The following OR4N2 variants were observed in gnomAD, a reference collection of about 807,000 sequenced individuals.
OR4N2 encodes olfactory receptor family 4 subfamily N member 2, also known as olfactory receptor 4N2.
For missense variants in OR4N2, 307 were observed against 377.6 expected, an observed-to-expected ratio of 0.81 and a Z score of 1.55; for synonymous variants, 141 against 140.4, an observed-to-expected ratio of 1.00 and a Z score of -0.03.
chr14:19,823,502 C>T (rs1283771837), intron 1 of OR4N2, among the ~76,000 whole-genome samples: 3 of 152,212 alleles, frequency 2.0e-5, no homozygotes, highest in Non-Finnish European at 2.9e-5. Context: ...ACACACATTT[C>T]TCACTCTTGT....
In OR4N2 at chr14:19,827,505, G is replaced by A. The variant is rs551672122; in HGVS notation, c.57G>A (p.Gln19=). 6.2e-7 allele frequency: 1 copy of A among 1,613,202 alleles called. No homozygotes were observed. Among genetic ancestry groups the A allele is most frequent in the Admixed American group, 1.7e-5 (1 of 59,988 alleles). ...AATTCATCCTCCTTGGTCTGACCCA[G>A]TCTCAAGATATTCAGCTCCTGGTCT... is the stretch of plus-strand genomic sequence containing the variant. ...IREFILLGLT[Q]SQDIQLLVFV... is the part of the protein sequence containing the mutation. The change falls in exon 2 of 2, where the codon CAG becomes CAA. Residue 19 remains glutamine (Q), a synonymous_variant. Coordinates refer to ENST00000557677, the MANE Select transcript of OR4N2 (RefSeq NM_001004723.3).
intron 1 of OR4N2, 93 bp from the exon 2 acceptor site, chr14:19,827,347 A>C (rs1375321742): frequency 2.7e-5 from 30 of 1,117,606 alleles, no homozygotes; most frequent in Non-Finnish European, 3.6e-5. Context: ...TAGCTGAAGT[A>C]CTGCATGTGC....
At chr14:19,817,220 A>G (rs1879448772) in intron 1 of OR4N2, among the ~76,000 whole-genome samples, 1 of 152,172 alleles carries the variant, frequency 6.6e-6, no homozygotes, top group East Asian at 1.9e-4. Flanking sequence ...TGAGTTAGGG[A>G]GGAGTCCCTC....
At chr14:19,824,403 A>G (rs1248384506) in intron 1 of OR4N2, among the ~76,000 whole-genome samples, 1 of 152,264 alleles carries the variant, frequency 6.6e-6, no homozygotes. Context: ...GGACACAGGC[A>G]GAATGGAAGA....
At position 19,827,819 on chromosome 14, in the gene OR4N2, T is replaced by A. The variant is rs1390809020; in HGVS notation, c.371T>A (p.Ile124Asn). Residue 124 changes from isoleucine (I) to asparagine (N), a missense_variant, in exon 2 of 2, where the codon ATC (isoleucine) becomes AAC (asparagine). Transcript: ENST00000557677. ...LLVVMAFDRY[I>N]AICRPLHYPT... ...GTTGTGATGGCCTTTGACCGCTACA[T>A]CGCCATCTGCCGGCCTCTGCACTAT... is the stretch of plus-strand genomic sequence containing the variant. 6.2e-7 allele frequency: 1 copy of A among 1,614,136 alleles called. No individual in the cohort carries two copies. Among genetic ancestry groups the A allele is most frequent in the African/African-American group, 1.3e-5 (1 of 74,942 alleles).
At chr14:19,816,925 C>T (rs1362647067) in intron 1 of OR4N2, among the ~76,000 whole-genome samples, 1 of 152,176 alleles carries the variant, frequency 6.6e-6, no homozygotes. Context: ...TTATCGAAGG[C>T]CTTTTCTGCA....
chr14:19,817,888 T>C (rs765759537), intron 1 of OR4N2, among the ~76,000 whole-genome samples: 2 of 152,270 alleles, frequency 1.3e-5, no homozygotes, highest in Non-Finnish European at 2.9e-5. Context: ...GTACATTGTG[T>C]CTTTGTTCTC....
intron 1 of OR4N2, 37 bp from the exon 2 acceptor site, chr14:19,827,403 G>T: frequency 6.6e-7 from 1 of 1,506,882 alleles, no homozygotes; most frequent in Non-Finnish European, 8.9e-7. Flanking sequence ...GGAAGACATA[G>T]TAATAACAAT....
chr14:19,808,461 A>G (rs965585420), intron 1 of OR4N2, among the ~76,000 whole-genome samples: 3 of 152,206 alleles, frequency 2.0e-5, no homozygotes, highest in African/African-American at 7.2e-5. Flanking sequence ...GAGTGAAATC[A>G]AGGACACAAT....
rs1879805064 is a variant in OR4N2, at chr14:19,829,207, G to A, written c.*835G>A. 6.6e-6 allele frequency: 1 copy of A among 152,200 alleles called. No homozygotes were observed. The highest frequency in any genetic ancestry group is 6.5e-5 in the Admixed American group (1 of 15,286). The allele number at this position is 152,200 out of a possible 1,614,324, so 9.4% of individuals were successfully genotyped here. On this transcript the variant is annotated 3_prime_UTR_variant, in exon 2 of 2. Transcript: ENST00000557677. ...AAAGCTGGTTACTTTTACTGAAAAA[G>A]ATCACAAAAACATTTTACTTTTTTT... is the stretch of plus-strand genomic sequence containing the variant.
chr14:19,810,710 A>G (rs941460884), intron 1 of OR4N2, among the ~76,000 whole-genome samples: 1 of 152,262 alleles, frequency 6.6e-6, no homozygotes, highest in African/African-American at 2.4e-5. Flanking sequence ...AATGAAATAT[A>G]AAGTAGACAA....
chr14:19,822,646 G>T (rs1879595874), intron 1 of OR4N2, among the ~76,000 whole-genome samples: 2 of 152,206 alleles, frequency 1.3e-5, no homozygotes, highest in African/African-American at 2.4e-5. Context: ...TATCCCAGGG[G>T]TTACTCAAAG....
At chr14:19,826,860 G>A (rs1244963529) in intron 1 of OR4N2, among the ~76,000 whole-genome samples, 1 of 152,232 alleles carries the variant, frequency 6.6e-6, no homozygotes, top group Non-Finnish European at 1.5e-5. Context: ...AACAGTCTGG[G>A]AAAAGAGTAT....
intron 1 of OR4N2, among the ~76,000 whole-genome samples, chr14:19,815,282 C>T (rs1446623490): frequency 6.6e-6 from 1 of 152,266 alleles, no homozygotes; most frequent in African/African-American, 2.4e-5. Context: ...ATTTACCCTT[C>T]CACCAACAGT....
At position 19,828,723 on chromosome 14, in the gene OR4N2, A is replaced by T. The variant is rs1879792899; in HGVS notation, c.*351A>T. 1 of 229,626 alleles carries T rather than the reference A, an allele frequency of 4.4e-6. No homozygotes were observed. Among genetic ancestry groups the T allele is most frequent in the African/African-American group, 2.3e-5 (1 of 42,802 alleles). The allele number at this position is 229,626 out of a possible 1,614,324, so 14.2% of individuals were successfully genotyped here. A position where few individuals can be genotyped will look rare whatever the true frequency, so the allele number is the denominator to read the frequency against. On this transcript the variant is annotated 3_prime_UTR_variant, in exon 2 of 2. Coordinates refer to ENST00000557677, the MANE Select transcript of OR4N2 (RefSeq NM_001004723.3). ...AGACCTTGAAGAGCTGACGTTTTGG[A>T]TGATATCTGGATAAACTGAAGAAGG...
intron 1 of OR4N2, among the ~76,000 whole-genome samples, chr14:19,808,849 C>T (rs1879229369): frequency 6.7e-6 from 1 of 149,658 alleles, no homozygotes; most frequent in African/African-American, 2.4e-5. Context: ...AAAAATGAAA[C>T]TAGAGGCATC....
rs1385635280 is a variant in OR4N2 at position 19,813,343 on chromosome 14, G to T, written c.-10+9499G>T. Among the ~76,000 whole-genome samples, 4 of 152,370 alleles carry T rather than the reference G, an allele frequency of 2.6e-5. No homozygotes were observed. The South Asian group carries it at 6.2e-4, about 24-fold the overall frequency. ...TGCATTTATATGGAATGCCATGCGA[G>T]CTGTCACAGCCCAGGCAGTGGAGTG... On this transcript the variant is annotated intron_variant, in intron 1 of 1. Transcript: ENST00000557677.
intron 1 of OR4N2, among the ~76,000 whole-genome samples, chr14:19,815,572 A>T (rs369413181): frequency 6.6e-6 from 1 of 151,334 alleles, no homozygotes; most frequent in Non-Finnish European, 1.5e-5. Context: ...GCTGGATATT[A>T]GCCCTTTGTC....
chr14:19,815,655 G>GTTTTTTTTTTTTTTTTTTTTTTTT, intron 1 of OR4N2, among the ~76,000 whole-genome samples: 1 of 138,520 alleles, frequency 7.2e-6, no homozygotes. Flanking sequence ...GTTTTTTTTT[G>GTTTTTTTTTTTTTTTTTTTTTTTT]TTTTTTTTTT....
Sources: allele counts gnomAD v4.1 joint callset (sites outside exome capture counted in the v4.1 genomes callset), GRCh38; gene constraint gnomAD v4.1.1; transcripts MANE v1.5; gene names NCBI Gene and HGNC (gene_info 2026-07-23, HGNC 2026-07-21).